The following APBA1 variants were observed in gnomAD, a reference collection of about 807,000 sequenced individuals.
APBA1 encodes the protein amyloid beta precursor protein binding family A member 1.
A neutral mutation model predicts 86.6 loss-of-function variants in APBA1; 55 were observed. That is an observed-to-expected ratio of 0.64 (90% CI 0.51 to 0.80). APBA1 has a LOEUF of 0.80. APBA1 is among the 30% of genes least tolerant of loss of function. APBA1 has a pLI of 0.00. For synonymous variants in APBA1, 511 were observed against 493.9 expected, an observed-to-expected ratio of 1.03 and a Z score of -0.46; for missense variants, 1,090 against 1,183.0, an observed-to-expected ratio of 0.92 and a Z score of 1.15.
At chr9:69,553,809 C>A (rs769465581) in intron 1 of APBA1, among the ~76,000 whole-genome samples, 14 of 152,164 alleles carry the variant, frequency 9.2e-5, no homozygotes, top group Non-Finnish European at 1.8e-4. Context: ...ATACCTTTCT[C>A]ACACCCTATA....
chr9:69,583,938 A>C (rs1821967676), intron 1 of APBA1, among the ~76,000 whole-genome samples: 2 of 152,256 alleles, frequency 1.3e-5, no homozygotes, highest in Non-Finnish European at 2.9e-5. Context: ...TAATCCATGT[A>C]AAGTGCTTAG....
chr9:69,443,879 C>T (rs1834865007), intron 10 of APBA1, among the ~76,000 whole-genome samples: 1 of 152,162 alleles, frequency 6.6e-6, no homozygotes, highest in Non-Finnish European at 1.5e-5. Flanking sequence ...ACAACAGGGT[C>T]AGCCACAGAA....
At chr9:69,488,484 T>C (rs1322288191) in intron 2 of APBA1, among the ~76,000 whole-genome samples, 1 of 152,152 alleles carries the variant, frequency 6.6e-6, no homozygotes, top group Admixed American at 6.5e-5. Flanking sequence ...GCTTTCAAGG[T>C]AAAGTTCTAA....
At position 69,516,598 on chromosome 9, in the gene APBA1, G is replaced by A; in HGVS notation, c.613C>T (p.Pro205Ser). The A allele has an allele frequency of 6.2e-7, 1 of 1,604,384 alleles. No individual in the cohort carries two copies. Among genetic ancestry groups the A allele is most frequent in the Non-Finnish European group, 8.5e-7 (1 of 1,179,120 alleles). ...EHVYEEIGDAPELDARDGLRL... is the reference protein window; with the variant it reads ...EHVYEEIGDASELDARDGLRL... The stretch of plus-strand genomic sequence containing the variant: ...AGGCCGTCGCGTGCGTCCAGCTCGG[G>A]CGCGTCCCCTATCTCCTCGTACACG... Residue 205 changes from proline to serine, a missense_variant, in exon 2 of 13, where the codon CCC (proline) becomes TCC (serine). By Grantham distance (74) the Pro-to-Ser change is moderately conservative. Around this residue, in one of 6 missense-constraint regions of APBA1, gnomAD observed 678 missense variants for 647.1 expected, o/e 1.05. Coordinates refer to ENST00000265381, the MANE Select transcript of APBA1 (RefSeq NM_001163.4). The surrounding 1 kb of genome is among the most constrained non-coding windows in gnomAD (Gnocchi z 7.3).
intron 1 of APBA1, among the ~76,000 whole-genome samples, chr9:69,588,120 A>G (rs1242401106): frequency 2.0e-5 from 3 of 152,224 alleles, no homozygotes; most frequent in Non-Finnish European, 4.4e-5. Context: ...CTTTGTGGGA[A>G]TGACATTTGA....
At chr9:69,644,940 C>T (rs1823360818) in intron 1 of APBA1, among the ~76,000 whole-genome samples, 1 of 151,788 alleles carries the variant, frequency 6.6e-6, no homozygotes, top group Admixed American at 6.6e-5. Flanking sequence ...GCTCTGGAAA[C>T]AGAGACTGCT....
At chr9:69,576,553 G>C (rs1284768329) in intron 1 of APBA1, among the ~76,000 whole-genome samples, 1 of 152,192 alleles carries the variant, frequency 6.6e-6, no homozygotes, top group Non-Finnish European at 1.5e-5. Context: ...CATGTCTTTT[G>C]TAGGGACATG....
intron 1 of APBA1, among the ~76,000 whole-genome samples, chr9:69,650,337 G>A (rs148779048): frequency 1.5e-3 from 222 of 152,256 alleles, no homozygotes; most frequent in African/African-American, 5.2e-3. Context: ...ACAAACATTT[G>A]CCATGTTATT....
intron 1 of APBA1, among the ~76,000 whole-genome samples, chr9:69,671,062 C>A (rs1823939519): frequency 6.6e-6 from 1 of 152,088 alleles, no homozygotes; most frequent in Non-Finnish European, 1.5e-5. Flanking sequence ...ACGTATACAC[C>A]TCCAGAGTTC....
intron 2 of APBA1, among the ~76,000 whole-genome samples, chr9:69,512,095 AAAAG>A (rs1344092862): frequency 6.6e-6 from 1 of 151,812 alleles, no homozygotes; most frequent in Non-Finnish European, 1.5e-5. Context: ...TAAATAAATA[AAAAG>A]AAAAAAAGAA....
At chr9:69,671,830 C>T (rs1217500778) in intron 1 of APBA1, among the ~76,000 whole-genome samples, 1 of 152,168 alleles carries the variant, frequency 6.6e-6, no homozygotes, top group Non-Finnish European at 1.5e-5. Context: ...ATCCCCTCTG[C>T]TGTACCTTTT....
chr9:69,464,267 G>A (rs1422889262), intron 5 of APBA1: 2 of 152,200 alleles, frequency 1.3e-5, no homozygotes, highest in African/African-American at 4.8e-5. Flanking sequence ...AATCTGATAA[G>A]CATTTTAATG....
rs1448522517 is a variant in APBA1, at chr9:69,476,123, G to A, written c.1221C>T (p.Ser407=). 3 of 1,613,758 alleles carry A rather than the reference G, an allele frequency of 1.9e-6. No homozygotes were observed. Among genetic ancestry groups the A allele is most frequent in the Non-Finnish European group, 2.5e-6 (3 of 1,179,846 alleles). The change falls in exon 3 of 13, where the codon TCC becomes TCT. Residue 407 remains serine, a synonymous_variant. Coordinates refer to ENST00000265381, the MANE Select transcript of APBA1 (RefSeq NM_001163.4). ...MDGDSPSPGS[S]SPLGAESSST... ...TTGATGACTCTGCACCCAAGGGGGA[G>A]GAGCTGCCAGGAGACGGAGACTAGA...
rs1056849354 is a variant in APBA1 at position 69,481,945 on chromosome 9, C to T, written c.1201-5802G>A. Among the ~76,000 whole-genome samples, 31 of 151,234 alleles carry T rather than the reference C, an allele frequency of 2.0e-4. 1 individual carries two copies. The highest frequency in any genetic ancestry group is 3.0e-5 in the Non-Finnish European group (2 of 67,724). ...GTAGAAAGCTGAAACTGGATCCCTT[C>T]CTTACACCTTATACAAAAATCAATT... On this transcript the variant is annotated intron_variant, in intron 2 of 12. Coordinates refer to ENST00000265381, the MANE Select transcript of APBA1 (RefSeq NM_001163.4).
chr9:69,513,211 T>C (rs1031675621), intron 2 of APBA1, among the ~76,000 whole-genome samples: 6 of 152,258 alleles, frequency 3.9e-5, no homozygotes, highest in African/African-American at 1.4e-4. Context: ...CAATGTTCTA[T>C]AATTAATTTC....
chr9:69,666,330 T>G (rs1345382433), intron 1 of APBA1, among the ~76,000 whole-genome samples: 3 of 152,148 alleles, frequency 2.0e-5, no homozygotes, highest in Non-Finnish European at 4.4e-5. Context: ...CTACTTCACA[T>G]CTTTCAGCTC....
chr9:69,485,683 A>G (rs554136448), intron 2 of APBA1, among the ~76,000 whole-genome samples: 1 of 152,128 alleles, frequency 6.6e-6, no homozygotes, highest in South Asian at 2.1e-4. Context: ...CGCAGAGATG[A>G]CTCACCAACA....
chr9:69,469,861 C>T (rs1310285853), intron 4 of APBA1, among the ~76,000 whole-genome samples: 2 of 152,190 alleles, frequency 1.3e-5, no homozygotes, highest in East Asian at 3.8e-4. Context: ...GAAGAACGAT[C>T]TCATCTGGGA....
intron 5 of APBA1, among the ~76,000 whole-genome samples, chr9:69,459,941 T>G (rs1835162679): frequency 6.6e-6 from 1 of 152,262 alleles, no homozygotes. Flanking sequence ...TAAGACTTGC[T>G]ATTTATACAG....
Sources: gnomAD v4.1 joint callset for allele counts (sites outside exome capture counted in the v4.1 genomes callset) on GRCh38, gnomAD v4.1.1 for gene constraint, gnomAD v4.1.1 regional missense constraint, Gnocchi (gnomAD v3.1) non-coding constraint, MANE v1.5 for transcripts, NCBI Gene and HGNC (gene_info 2026-07-23, HGNC 2026-07-21) for gene names.